Variants in ITPKB observed in about 807,000 individuals in gnomAD.
The protein encoded by ITPKB is inositol-trisphosphate 3-kinase B.
A neutral mutation model predicts 69.4 loss-of-function variants in ITPKB; 13 were observed. The observed-to-expected ratio is 0.19, with a 90% CI of 0.12 to 0.30. ITPKB has a LOEUF of 0.30. Among genes scored for constraint, ITPKB ranks in the 10% least tolerant of loss-of-function variants. The pLI is 1.00. For missense variants in ITPKB, 1,240 were observed against 1,250.5 expected (o/e 0.99, Z 0.13); for synonymous variants, 584 against 513.7 (o/e 1.14, Z -1.85).
chr1:226,633,318 T>TCACCCAGCTCCTGTACC lies in ITPKB; in HGVS notation c.*1352_*1353insGGTACAGGAGCTGGGTG, dbSNP rs1257741071. The TCACCCAGCTCCTGTACC allele has an allele frequency of 6.6e-6, 1 of 152,108 alleles. No individual in the cohort carries two copies. 9.4% of individuals were successfully genotyped at this position (152,108 alleles called of 1,614,324 possible). A position where few individuals can be genotyped will look rare whatever the true frequency, so the allele number is the denominator to read the frequency against. On this transcript the variant is annotated 3_prime_UTR_variant, in exon 8 of 8. Coordinates refer to ENST00000429204, the MANE Select transcript of ITPKB (RefSeq NM_002221.4). ...CCCTCTGTGTCCCTAGCTCCTGGAC[T>TCACCCAGCTCCTGTACC]CTCCCAGCTCCTGTACCTCTGACAG...
At chr1:226,665,449 G>T (rs908833174) in intron 2 of ITPKB, among the ~76,000 whole-genome samples, 1 of 152,238 alleles carries the variant, frequency 6.6e-6, no homozygotes, top group Non-Finnish European at 1.5e-5. Context: ...AAACTGTAGG[G>T]AGGACTAGGT....
At position 226,637,690 on chromosome 1, in the gene ITPKB, T is replaced by G. The variant is rs1668867085; in HGVS notation, c.2614A>C (p.Lys872Gln). 6.2e-7 allele frequency: 1 copy of G among 1,613,424 alleles called. No individual in the cohort carries two copies. The highest frequency in any genetic ancestry group is 8.5e-7 in the Non-Finnish European group (1 of 1,179,330). ...RTTLEVSPFFKCHEVIGSSLL... is the reference protein window; with the variant it reads ...RTTLEVSPFFQCHEVIGSSLL... ...AGCCCAGTATCTACCTCGTGGCACT[T>G]GAAGAAGGGAGAAACTTCTAGAGTG... Residue 872 changes from lysine (K) to glutamine (Q), a missense_variant, in exon 7 of 8, where the codon AAG (lysine) becomes CAG (glutamine). Transcript: ENST00000429204. This position sits in a 1 kb window ranked among gnomAD's most constrained non-coding sequence, Gnocchi z 4.3.
At chr1:226,678,307 G>C (rs574660793) in intron 2 of ITPKB, among the ~76,000 whole-genome samples, 24 of 152,318 alleles carry the variant, frequency 1.6e-4, no homozygotes, top group African/African-American at 5.5e-4. Flanking sequence ...ATGAAAACTG[G>C]CTGCCATGCA....
At chr1:226,682,017 A>C (rs760600640) in intron 2 of ITPKB, among the ~76,000 whole-genome samples, 1 of 152,232 alleles carries the variant, frequency 6.6e-6, no homozygotes, top group Non-Finnish European at 1.5e-5. Context: ...TCAGCCTCCT[A>C]AAGGATCCCC....
chr1:226,696,296 T>C (rs573978586), intron 2 of ITPKB, among the ~76,000 whole-genome samples: 42 of 151,600 alleles, frequency 2.8e-4, no homozygotes, highest in African/African-American at 1.0e-3. Flanking sequence ...TACACACATA[T>C]ATATACACAT....
At position 226,737,460 on chromosome 1, in the gene ITPKB, G is replaced by C. The variant is rs1270144377; in HGVS notation, c.-2C>G. 2 of 1,592,076 alleles carry C rather than the reference G, an allele frequency of 1.3e-6. No homozygotes were observed. Among genetic ancestry groups the C allele is most frequent in the Non-Finnish European group, 1.7e-6 (2 of 1,172,558 alleles). ...GAGCGCATAGCAGTACACAGCCATA[G>C]TACTGGGTCCCGCGCTGCCCGCCGC... On this transcript the variant is annotated 5_prime_UTR_variant, in exon 2 of 8. Coordinates refer to ENST00000429204, the MANE Select transcript of ITPKB (RefSeq NM_002221.4).
rs77109810 is a variant in ITPKB, at chr1:226,649,701, T to A, written c.1933-930A>T. ...TCTCAATGAGCATGCAAGTCAATTC[T>A]TTTCTATTTCCATCTGGTGGAGCCT... is the stretch of plus-strand genomic sequence containing the variant. On this transcript the variant is annotated intron_variant, in intron 2 of 7. Transcript: ENST00000429204. 8.9e-5 allele frequency among the ~76,000 whole-genome samples: 3 copies of A among 33,816 alleles called. No individual in the cohort carries two copies. In the African/African-American group the frequency reaches 4.0e-3, roughly 46 times the overall value. 22.2% of individuals were successfully genotyped at this position (33,816 alleles called of 152,430 possible).
chr1:226,734,974 C>T (rs1281652407), intron 2 of ITPKB, among the ~76,000 whole-genome samples: 1 of 152,238 alleles, frequency 6.6e-6, no homozygotes, highest in Non-Finnish European at 1.5e-5. Context: ...CTTACTGAGG[C>T]TCAGTGATTC....
chr1:226,638,245 T>C (rs1668880457), intron 6 of ITPKB, among the ~76,000 whole-genome samples: 1 of 152,142 alleles, frequency 6.6e-6, no homozygotes, highest in South Asian at 2.1e-4. Context: ...GGCCACTGCT[T>C]AGGGGCTGAG....
chr1:226,652,022 A>C (rs1024396943), intron 2 of ITPKB, among the ~76,000 whole-genome samples: 1 of 152,252 alleles, frequency 6.6e-6, no homozygotes, highest in African/African-American at 2.4e-5. Context: ...AATGCCATGC[A>C]CTTGCACTGG....
Position 226,648,723 on chromosome 1 carries a change from C to A in ITPKB, c.1981G>T (p.Val661Phe), listed in dbSNP as rs745974661. The A allele has an allele frequency of 9.3e-6, 15 of 1,613,358 alleles. No homozygotes were observed. The highest frequency in any genetic ancestry group is 1.3e-5 in the African/African-American group (1 of 75,020). Residue 661 changes from valine (V) to phenylalanine (F), a missense_variant, in exon 3 of 8, where the codon GTC becomes TTC. By Grantham distance (50) the Val-to-Phe change is conservative. Coordinates refer to ENST00000429204, the MANE Select transcript of ITPKB (RefSeq NM_002221.4). ...IKNMVHWSPF[V>F]MSFKKKYPWI... is the part of the protein sequence containing the mutation. ...GGGTACTTCTTCTTGAAGGACATGA[C>A]GAAGGGAGACCAGTGCACCATGTTT... is the stretch of plus-strand genomic sequence containing the variant.
chr1:226,647,079 C>A, intron 4 of ITPKB, 88 bp downstream of exon 4: 1 of 1,192,904 alleles, frequency 8.4e-7, no homozygotes, highest in South Asian at 1.3e-5. Flanking sequence ...ACCTGTGAGG[C>A]CTCCGGGAAG....
At chr1:226,698,015 G>C (rs1205817643) in intron 2 of ITPKB, among the ~76,000 whole-genome samples, 1 of 152,244 alleles carries the variant, frequency 6.6e-6, no homozygotes, top group Non-Finnish European at 1.5e-5. Flanking sequence ...CCCCGGGGCA[G>C]AACAGCACTG....
intron 4 of ITPKB, among the ~76,000 whole-genome samples, chr1:226,644,754 G>A (rs918697002): frequency 2.0e-5 from 3 of 152,206 alleles, no homozygotes; most frequent in Non-Finnish European, 4.4e-5. Flanking sequence ...CTTGCCCTGG[G>A]ACTCAGCATG....
intron 2 of ITPKB, among the ~76,000 whole-genome samples, chr1:226,718,182 T>C (rs1571872883): frequency 1.3e-5 from 2 of 150,970 alleles, no homozygotes; most frequent in East Asian, 3.9e-4. Flanking sequence ...TAGTCCCAGC[T>C]ACTTGGGAGG....
intron 2 of ITPKB, chr1:226,669,344 CGGA>C (rs1007100058): frequency 7.3e-5 from 11 of 151,444 alleles, no homozygotes; most frequent in African/African-American, 2.7e-4. Flanking sequence ...TTGCAGTGAG[CGGA>C]GATCGCGCCA....
At chr1:226,711,680 C>T (rs1357317312) in intron 2 of ITPKB, among the ~76,000 whole-genome samples, 1 of 152,126 alleles carries the variant, frequency 6.6e-6, no homozygotes, top group Non-Finnish European at 1.5e-5. Context: ...TTTGTCCTGG[C>T]GATGACGAGT....
intron 2 of ITPKB, among the ~76,000 whole-genome samples, chr1:226,724,347 C>A (rs1342481752): frequency 6.6e-6 from 1 of 152,178 alleles, no homozygotes; most frequent in African/African-American, 2.4e-5. Context: ...GACTTCTCCT[C>A]TTCCAAGGGA....
intron 2 of ITPKB, among the ~76,000 whole-genome samples, chr1:226,733,298 CAG>C (rs778369235): frequency 3.9e-5 from 6 of 152,130 alleles, no homozygotes; most frequent in Non-Finnish European, 8.8e-5. Flanking sequence ...GAACCTCAGA[CAG>C]AGCTGGTGGG....
Sources: gnomAD v4.1 joint callset for allele counts (sites outside exome capture counted in the v4.1 genomes callset) on GRCh38, gnomAD v4.1.1 for gene constraint, Gnocchi (gnomAD v3.1) non-coding constraint, MANE v1.5 for transcripts, NCBI Gene and HGNC (gene_info 2026-07-23, HGNC 2026-07-21) for gene names.